The following SETD1A variants were observed in gnomAD, a reference collection of about 807,000 sequenced individuals.
SETD1A encodes histone-lysine N-methyltransferase SETD1A.
In SETD1A, 29 loss-of-function variants were observed where a neutral mutation model predicts 149.9. The observed-to-expected ratio is 0.19, with a 90% confidence interval of 0.14 to 0.26. The LOEUF is 0.26. SETD1A is among the 10% of genes least tolerant of loss of function. The pLI is 1.00. For missense variants in SETD1A, 2,109 were observed against 2,353.1 expected, an observed-to-expected ratio of 0.90 and a Z score of 2.15; for synonymous variants, 1,141 against 968.5, an observed-to-expected ratio of 1.18 and a Z score of -3.31.
chr16:30,983,556 C>G lies in SETD1A; in HGVS notation c.4813-79C>G. The G allele has an allele frequency of 6.5e-7, 1 of 1,533,630 alleles. No individual in the cohort carries two copies. On this transcript the variant is annotated intron_variant, in intron 17 of 18. Transcript: ENST00000262519. This position sits in a 1 kb window ranked among gnomAD's most constrained non-coding sequence, Gnocchi z 6.8. Reference sequence around the variant, plus strand: ...AGCTCCAGGCCTGGTGGGCGTGGACCTGGGGTGCTGGCTGGCAGGCGTGCT... The same window carrying G: ...AGCTCCAGGCCTGGTGGGCGTGGACGTGGGGTGCTGGCTGGCAGGCGTGCT...
intron 1 of SETD1A, 48 bp downstream of exon 1, chr16:30,958,012 GCGC>G: frequency 6.6e-6 from 1 of 151,718 alleles, no homozygotes; most frequent in Non-Finnish European, 1.5e-5. Flanking sequence ...TGGTGGGGGG[GCGC>G]CGCCGCCGCC....
chr16:30,975,750 C>A (rs963064435), intron 13 of SETD1A, among the ~76,000 whole-genome samples: 1 of 151,780 alleles, frequency 6.6e-6, no homozygotes, highest in African/African-American at 2.4e-5. Flanking sequence ...CCTGTGATTC[C>A]CATTTTATAG....
intron 13 of SETD1A, among the ~76,000 whole-genome samples, chr16:30,977,431 T>C (rs753929367): frequency 2.0e-5 from 3 of 152,182 alleles, no homozygotes; most frequent in Non-Finnish European, 4.4e-5. Context: ...GTGGGAGTCA[T>C]ATTGACTGGG....
chr16:30,958,363 GCTCGGCCCGGGC>G (rs2055994928), intron 1 of SETD1A: 1 of 192,036 alleles, frequency 5.2e-6, no homozygotes, highest in African/African-American at 2.4e-5. Flanking sequence ...CCGTGGCCGG[GCTCGGCCCGGGC>G]CGCTGGCCGG....
intron 3 of SETD1A, among the ~76,000 whole-genome samples, chr16:30,960,907 T>G: frequency 6.6e-6 from 1 of 151,810 alleles, no homozygotes; most frequent in Non-Finnish European, 1.5e-5. Flanking sequence ...AGCTAAATTT[T>G]TTTTTTTGTA....
chr16:30,958,675 C>G, intron 1 of SETD1A, 42 bp from the exon 2 acceptor site: 2 of 1,555,394 alleles, frequency 1.3e-6, no homozygotes, highest in Non-Finnish European at 1.8e-6. Flanking sequence ...GAGTCAGGCC[C>G]CAAGTCCTGA....
At chr16:30,964,541 C>T (rs2056106823) in intron 6 of SETD1A, 71 bp from the exon 7 acceptor site, 1 of 1,559,570 alleles carries the variant, frequency 6.4e-7, no homozygotes. Context: ...GGCTTTGGGC[C>T]CTGGGACCCA....
chr16:30,962,463 T>C (rs1453601296), intron 4 of SETD1A, among the ~76,000 whole-genome samples: 2 of 152,132 alleles, frequency 1.3e-5, no homozygotes, highest in Non-Finnish European at 2.9e-5. Flanking sequence ...GTTTGGAAAT[T>C]TGAGATAGAG....
In SETD1A at chr16:30,979,343, C is replaced by T. The variant is rs767119712; in HGVS notation, c.3557C>T (p.Pro1186Leu). ...GCCCCGGAGCCCCCTCCAGCCACAC[C>T]GCCGCAGGCCAAGTTTCCCGGCCCA... ...VPAPEPPPAT[P>L]PQAKFPGPAS... Residue 1186 changes from proline to leucine, a missense_variant, in exon 14 of 19, where the codon CCG (proline) becomes CTG (leucine). By Grantham distance (98) the Pro-to-Leu change is moderately conservative. Around this residue, in one of 8 missense-constraint regions of SETD1A, gnomAD observed 832 missense variants for 815.6 expected, o/e 1.02. Coordinates refer to ENST00000262519, the MANE Select transcript of SETD1A (RefSeq NM_014712.3). 13 of 1,613,254 alleles carry T rather than the reference C, an allele frequency of 8.1e-6. 1 individual carries two copies. The highest frequency in any genetic ancestry group is 1.7e-4 in the Middle Eastern group (1 of 6,050).
rs550183612 is a variant in SETD1A at position 30,964,208 on chromosome 16, A to G, written c.754A>G (p.Ser252Gly). The change falls in exon 6 of 19, where the codon AGC (serine) becomes GGC (glycine). Residue 252 changes from serine (S) to glycine (G), a missense_variant. Coordinates refer to ENST00000262519, the MANE Select transcript of SETD1A (RefSeq NM_014712.3). ...PCSQDTSFSSSRQDTPSSFGQ... is the reference protein window; with the variant it reads ...PCSQDTSFSSGRQDTPSSFGQ... ...CTCCCAGGACACAAGCTTCTCCAGC[A>G]GCCGACAAGATACCCCATCTTCCTT... 2.5e-6 allele frequency: 4 copies of G among 1,614,032 alleles called. No homozygotes were observed. Among genetic ancestry groups the G allele is most frequent in the African/African-American group, 1.3e-5 (1 of 74,914 alleles).
intron 13 of SETD1A, among the ~76,000 whole-genome samples, chr16:30,973,303 T>G (rs1263445501): frequency 1.3e-5 from 2 of 152,244 alleles, no homozygotes; most frequent in Non-Finnish European, 2.9e-5. Context: ...GTAGGGCGCT[T>G]CTTAAGTGGC....
chr16:30,964,717 G>C lies in SETD1A; in HGVS notation c.975G>C (p.Thr325=). 1.2e-6 allele frequency: 2 copies of C among 1,614,078 alleles called. No individual in the cohort carries two copies. Among genetic ancestry groups the C allele is most frequent in the Non-Finnish European group, 1.7e-6 (2 of 1,180,006 alleles). The change falls in exon 7 of 19, where the codon ACG becomes ACC. Residue 325 remains threonine (T), a synonymous_variant. Coordinates refer to ENST00000262519, the MANE Select transcript of SETD1A (RefSeq NM_014712.3). ...CTTCAGCCTCCACAACCGCCTCCAC[G>C]GCCATCGCCGCCACCACTGCAGCCA... ...SASSASTTAS[T]AIAATTAATA...
Position 30,964,742 on chromosome 16 carries a change from A to G in SETD1A, c.1000A>G (p.Thr334Ala). ...GGCCATCGCCGCCACCACTGCAGCC[A>G]CTGCCTCATCCTCCGCCTCTTCCTC... is the stretch of plus-strand genomic sequence containing the variant. ...STAIAATTAA[T>A]ASSSASSSSL... The change falls in exon 7 of 19, where the codon ACT (threonine) becomes GCT (alanine). Residue 334 changes from threonine (T) to alanine (A), a missense_variant. Coordinates refer to ENST00000262519, the MANE Select transcript of SETD1A (RefSeq NM_014712.3). 1.9e-6 allele frequency: 3 copies of G among 1,614,096 alleles called. No individual in the cohort carries two copies. Among genetic ancestry groups the G allele is most frequent in the Non-Finnish European group, 1.7e-6 (2 of 1,180,010 alleles).
At chr16:30,982,453 A>G (rs1160750600) in intron 17 of SETD1A, among the ~76,000 whole-genome samples, 1 of 151,740 alleles carries the variant, frequency 6.6e-6, no homozygotes, top group East Asian at 1.9e-4. Flanking sequence ...GTGAGCCAAG[A>G]TCGCGCCATT....
chr16:30,961,290 G>C lies in SETD1A; in HGVS notation c.270G>C (p.Gln90His), dbSNP rs976305904. ...KFKLDEFYIG[Q>H]IPLKEVTFAR... Reference sequence around the variant, plus strand: ...AGCTGGACGAGTTCTATATTGGACAGATTCCACTGAAGGAAGTGACTTTTG... The same window carrying C: ...AGCTGGACGAGTTCTATATTGGACACATTCCACTGAAGGAAGTGACTTTTG... Residue 90 changes from glutamine to histidine, a missense_variant, in exon 4 of 19, where the codon CAG (glutamine) becomes CAC (histidine). Transcript: ENST00000262519. This position sits in a 1 kb window ranked among gnomAD's most constrained non-coding sequence, Gnocchi z 4.0. 47 of 1,614,066 alleles carry C rather than the reference G, an allele frequency of 2.9e-5. No individual in the cohort carries two copies. The East Asian group carries it at 1.0e-3, about 35-fold the overall frequency.
At position 30,979,453 on chromosome 16, in the gene SETD1A, G is replaced by A. The variant is rs1400755934; in HGVS notation, c.3667G>A (p.Glu1223Lys). Residue 1223 changes from glutamate (E) to lysine (K), a missense_variant, in exon 14 of 19, where the codon GAG becomes AAG. Physicochemically the swap from Glu to Lys is moderately conservative, Grantham distance 56. Around this residue, in one of 8 missense-constraint regions of SETD1A, gnomAD observed 832 missense variants for 815.6 expected, o/e 1.02. Transcript: ENST00000262519. ...CGCATCTCTGGTCAAGAGTTGGCCCGAGGAGGTGTCCCGAGGAGGCCGGAG... is the reference window on the plus strand; with the variant it reads ...CGCATCTCTGGTCAAGAGTTGGCCCAAGGAGGTGTCCCGAGGAGGCCGGAG... ...DHASLVKSWPEEVSRGGRSRA... is the reference protein window; with the variant it reads ...DHASLVKSWPKEVSRGGRSRA... 1 of 1,603,434 alleles carries A rather than the reference G, an allele frequency of 6.2e-7. No homozygotes were observed. The highest frequency in any genetic ancestry group is 8.5e-7 in the Non-Finnish European group (1 of 1,175,174).
Position 30,979,156 on chromosome 16 carries a change from G to C in SETD1A, c.3370G>C (p.Glu1124Gln). 6.4e-7 allele frequency: 1 copy of C among 1,569,816 alleles called. No individual in the cohort carries two copies. The highest frequency in any genetic ancestry group is 1.3e-5 in the African/African-American group (1 of 74,196). Reference protein sequence around the residue: ...SPARPAGPTEESPPSAPLRPP... With the variant: ...SPARPAGPTEQSPPSAPLRPP... ...TGCTTCCTTCCCAGGCCCCACGGAGGAGTCACCCCCCAGTGCGCCTCTGCG... is the reference window on the plus strand; with the variant it reads ...TGCTTCCTTCCCAGGCCCCACGGAGCAGTCACCCCCCAGTGCGCCTCTGCG... The change falls in exon 14 of 19, where the codon GAG becomes CAG. Residue 1124 changes from glutamate (E) to glutamine (Q), a missense_variant. Glu to Gln is a conservative substitution (Grantham distance 29). Coordinates refer to ENST00000262519, the MANE Select transcript of SETD1A (RefSeq NM_014712.3).
At chr16:30,958,645 G>A in intron 1 of SETD1A, 72 bp from the exon 2 acceptor site, 1 of 1,340,538 alleles carries the variant, frequency 7.5e-7, no homozygotes, top group Admixed American at 1.8e-5. Flanking sequence ...ATCGGGGCTA[G>A]CCAATGAGGA....
chr16:30,983,558 G>T lies in SETD1A; in HGVS notation c.4813-77G>T. The T allele has an allele frequency of 6.5e-7, 1 of 1,538,104 alleles. No individual in the cohort carries two copies. The highest frequency in any genetic ancestry group is 8.8e-7 in the Non-Finnish European group (1 of 1,135,322). ...CTCCAGGCCTGGTGGGCGTGGACCT[G>T]GGGTGCTGGCTGGCAGGCGTGCTCA... is the stretch of plus-strand genomic sequence containing the variant. On this transcript the variant is annotated intron_variant, in intron 17 of 18. Coordinates refer to ENST00000262519, the MANE Select transcript of SETD1A (RefSeq NM_014712.3). This position sits in a 1 kb window ranked among gnomAD's most constrained non-coding sequence, Gnocchi z 6.8.
Sources: allele counts gnomAD v4.1 joint callset (sites outside exome capture counted in the v4.1 genomes callset), GRCh38; gene constraint gnomAD v4.1.1; regional missense constraint gnomAD v4.1.1; non-coding constraint Gnocchi (gnomAD v3.1); transcripts MANE v1.5; gene names NCBI Gene and HGNC (gene_info 2026-07-23, HGNC 2026-07-21).